CSMD3: variants seen among roughly 807,000 people sequenced by gnomAD.
CSMD3 encodes the protein CUB and Sushi multiple domains 3.
Under a neutral mutation model 435.2 loss-of-function variants are expected in CSMD3, and 177 were observed. That is an observed-to-expected ratio of 0.41 (90% CI 0.36 to 0.46). The LOEUF (loss-of-function observed/expected upper bound fraction) is 0.46, where lower values mean the gene tolerates loss of function less well. Ranked by LOEUF, CSMD3 falls within the 20% of genes least tolerant of loss-of-function variation. The pLI is 0.34. For synonymous variants in CSMD3, 1,656 were observed against 1,520.5 expected, an observed-to-expected ratio of 1.09 and a Z score of -2.07; for missense variants, 4,265 against 4,504.6, an observed-to-expected ratio of 0.95 and a Z score of 1.52.
intron 16 of CSMD3, among the ~76,000 whole-genome samples, chr8:112,674,007 T>A (rs1334100666): frequency 6.6e-6 from 1 of 152,098 alleles, no homozygotes; most frequent in African/African-American, 2.4e-5. Flanking sequence ...AAAGAGCATG[T>A]TAAGCAGAGC....
In CSMD3 at chr8:113,265,930, A is replaced by G. The variant is rs528124038; in HGVS notation, c.514+12662T>C. Among the ~76,000 whole-genome samples the G allele has an allele frequency of 2.0e-5, 3 of 151,696 alleles. No homozygotes were observed. The East Asian group carries it at 5.8e-4, about 29-fold the overall frequency. On this transcript the variant is annotated intron_variant, in intron 3 of 70. Transcript: ENST00000297405. The stretch of plus-strand genomic sequence containing the variant: ...CCTCGTATTCTGTTTTTTGAAATAT[A>G]GTAACTCTCATTTATTCTTAGAAGT...
intron 3 of CSMD3, among the ~76,000 whole-genome samples, chr8:113,277,259 T>C (rs1000105659): frequency 1.4e-4 from 22 of 151,980 alleles, no homozygotes; most frequent in African/African-American, 5.3e-4. Context: ...AATATTCAAC[T>C]ATTGTGAGAG....
intron 16 of CSMD3, among the ~76,000 whole-genome samples, chr8:112,678,343 A>C (rs2075812100): frequency 6.6e-6 from 1 of 152,214 alleles, no homozygotes; most frequent in Non-Finnish European, 1.5e-5. Context: ...TTAAACTCAC[A>C]GAACAAGTTA....
intron 22 of CSMD3, among the ~76,000 whole-genome samples, chr8:112,622,624 G>T (rs1302890175): frequency 6.6e-6 from 1 of 152,066 alleles, no homozygotes; most frequent in Admixed American, 6.6e-5. Flanking sequence ...GTATGCAAAA[G>T]AATGAATTTA....
At chr8:113,038,412 T>C (rs1286959202) in intron 5 of CSMD3, among the ~76,000 whole-genome samples, 1 of 152,162 alleles carries the variant, frequency 6.6e-6, no homozygotes, top group Non-Finnish European at 1.5e-5. Flanking sequence ...TGAAAGCATA[T>C]TAATGAATAA....
At chr8:112,247,513 A>G (rs143907316) in intron 63 of CSMD3, among the ~76,000 whole-genome samples, 184 of 152,286 alleles carry the variant, frequency 1.2e-3, no homozygotes, top group African/African-American at 4.1e-3. Context: ...ATATATGGAA[A>G]TAAATATAGC....
intron 16 of CSMD3, among the ~76,000 whole-genome samples, chr8:112,678,827 A>T (rs1433003159): frequency 6.6e-6 from 1 of 152,154 alleles, no homozygotes; most frequent in East Asian, 1.9e-4. Context: ...ATTCTATTTG[A>T]AATGTTTAAT....
At chr8:113,016,363 T>C (rs930516869) in intron 6 of CSMD3, among the ~76,000 whole-genome samples, 2 of 151,896 alleles carry the variant, frequency 1.3e-5, no homozygotes, top group African/African-American at 4.8e-5. Context: ...AGCTAGCATA[T>C]AACATAACTT....
intron 12 of CSMD3, among the ~76,000 whole-genome samples, chr8:112,825,811 G>A (rs1162711790): frequency 1.3e-5 from 2 of 152,162 alleles, no homozygotes; most frequent in Non-Finnish European, 2.9e-5. Context: ...TTACCAAGTT[G>A]AGTGGCATAG....
intron 38 of CSMD3, among the ~76,000 whole-genome samples, chr8:112,364,027 C>T (rs56970648): frequency 0.033 from 5,083 of 151,926 alleles, 282 homozygotes; most frequent in African/African-American, 0.12. Flanking sequence ...ATATAATTAG[C>T]TCAAGGGAGA....
intron 10 of CSMD3, among the ~76,000 whole-genome samples, chr8:112,894,894 C>A (rs1280503102): frequency 1.3e-5 from 2 of 150,894 alleles, no homozygotes; most frequent in East Asian, 4.0e-4. Context: ...TAGTATTTAT[C>A]ATAGATAAGC....
At chr8:112,790,764 T>A (rs1057303055) in intron 13 of CSMD3, among the ~76,000 whole-genome samples, 1 of 152,180 alleles carries the variant, frequency 6.6e-6, no homozygotes, top group African/African-American at 2.4e-5. Context: ...ACTTACTCAT[T>A]TTGAATGAAA....
At chr8:112,689,445 A>G (rs1231725457) in intron 14 of CSMD3, among the ~76,000 whole-genome samples, 1 of 152,018 alleles carries the variant, frequency 6.6e-6, no homozygotes, top group African/African-American at 2.4e-5. Flanking sequence ...GTTAACATCT[A>G]CAAGCAAAAA....
In CSMD3 at chr8:112,911,209, C is replaced by T. The variant is rs192264335; in HGVS notation, c.1633+10418G>A. On this transcript the variant is annotated intron_variant, in intron 10 of 70. Transcript: ENST00000297405. The stretch of plus-strand genomic sequence containing the variant: ...ATACAATTCTTAGTCTTGTCTCTCT[C>T]AAACCATATGACATCTTCCTTCTTT... Among the ~76,000 whole-genome samples, 96 of 152,020 alleles carry T rather than the reference C, an allele frequency of 6.3e-4. 1 individual carries two copies. Among genetic ancestry groups the T allele is most frequent in the African/African-American group, 2.2e-3 (93 of 41,538 alleles).
At chr8:112,326,023 G>A (rs1285647120) in intron 45 of CSMD3, among the ~76,000 whole-genome samples, 2 of 151,956 alleles carry the variant, frequency 1.3e-5, no homozygotes, top group East Asian at 3.9e-4. Context: ...CAAGATATTT[G>A]ACATTCACAA....
intron 11 of CSMD3, among the ~76,000 whole-genome samples, chr8:112,830,429 A>G (rs2079835760): frequency 6.6e-6 from 1 of 152,194 alleles, no homozygotes; most frequent in South Asian, 2.1e-4. Flanking sequence ...TCTTGCTAAA[A>G]TATACTCATG....
chr8:113,320,648 T>A (rs2093943361), intron 1 of CSMD3, among the ~76,000 whole-genome samples: 1 of 152,128 alleles, frequency 6.6e-6, no homozygotes, highest in Non-Finnish European at 1.5e-5. Flanking sequence ...ATTGTTCTTG[T>A]CATCTTTGTG....
At chr8:112,769,712 A>T (rs1050796501) in intron 13 of CSMD3, among the ~76,000 whole-genome samples, 1 of 151,986 alleles carries the variant, frequency 6.6e-6, no homozygotes, top group Non-Finnish European at 1.5e-5. Context: ...CTTGTAATGA[A>T]TCATCATTTG....
Position 112,726,088 on chromosome 8 carries a change from C to T in CSMD3, c.1973-36038G>A, listed in dbSNP as rs887029726. 2.9e-4 allele frequency among the ~76,000 whole-genome samples: 44 copies of T among 151,792 alleles called. 1 individual carries two copies. The highest frequency in any genetic ancestry group is 1.0e-3 in the African/African-American group (42 of 41,362). On this transcript the variant is annotated intron_variant, in intron 13 of 70. Coordinates refer to ENST00000297405, the MANE Select transcript of CSMD3 (RefSeq NM_198123.2). ...GGAGAATGAACGCAGGAGGAACTAC[C>T]AAAAAATTATAAACCATCAGATCTC...
Sources: gnomAD v4.1 joint callset for allele counts (sites outside exome capture counted in the v4.1 genomes callset) on GRCh38, gnomAD v4.1.1 for gene constraint, MANE v1.5 for transcripts, NCBI Gene and HGNC (gene_info 2026-07-23, HGNC 2026-07-21) for gene names.